Variants in SINHCAF observed in about 807,000 individuals in gnomAD.
SINHCAF encodes the protein SIN3-HDAC complex-associated factor.
In SINHCAF, 3 loss-of-function variants were observed where a neutral mutation model predicts 25.8. The observed-to-expected ratio is 0.12, with a 90% CI of 0.05 to 0.30. The LOEUF is 0.30. SINHCAF is among the 10% of genes least tolerant of loss of function. The pLI is 1.00. For missense variants in SINHCAF, 121 were observed against 262.3 expected (o/e 0.46, Z 3.72); for synonymous variants, 70 against 85.5 (o/e 0.82, Z 1.00).
At chr12:31,317,362 T>G (rs900876116) in intron 1 of SINHCAF, among the ~76,000 whole-genome samples, 1 of 151,530 alleles carries the variant, frequency 6.6e-6, no homozygotes, top group African/African-American at 2.4e-5. Flanking sequence ...AAACACAAGA[T>G]AGTTGAAGTG....
intron 1 of SINHCAF, among the ~76,000 whole-genome samples, chr12:31,315,623 G>A (rs1251677632): frequency 6.6e-6 from 1 of 152,166 alleles, no homozygotes; most frequent in Non-Finnish European, 1.5e-5. Context: ...AGTTTGTAAC[G>A]CTTATCTCTG....
chr12:31,282,410 G>A lies in SINHCAF; in HGVS notation c.*302C>T, dbSNP rs16915866. ...TAGCAGGTATCCAAGTTAAAAATAAGAGGGTCATTTAAGACCAGCCTGGCC... is the reference window on the plus strand; with the variant it reads ...TAGCAGGTATCCAAGTTAAAAATAAAAGGGTCATTTAAGACCAGCCTGGCC... On this transcript the variant is annotated 3_prime_UTR_variant, in exon 6 of 6. Transcript: ENST00000337682. 4.8e-3 allele frequency: 1,013 copies of A among 211,436 alleles called. 18 individuals are homozygous for A. The highest frequency in any genetic ancestry group is 0.022 in the African/African-American group (966 of 43,694). 13.1% of individuals were successfully genotyped at this position (211,436 alleles called of 1,614,324 possible). A position where few individuals can be genotyped will look rare whatever the true frequency, so the allele number is the denominator to read the frequency against.
intron 1 of SINHCAF, among the ~76,000 whole-genome samples, chr12:31,313,868 T>C (rs1450901035): frequency 1.3e-5 from 2 of 152,012 alleles, no homozygotes; most frequent in African/African-American, 4.8e-5. Flanking sequence ...CAGGCTAGGC[T>C]GGTCTCGAAC....
At chr12:31,321,703 C>A (rs1273532347) in intron 1 of SINHCAF, among the ~76,000 whole-genome samples, 1 of 152,140 alleles carries the variant, frequency 6.6e-6, no homozygotes, top group East Asian at 1.9e-4. Context: ...TGCCTCAATA[C>A]ATGTGTTCCT....
intron 1 of SINHCAF, among the ~76,000 whole-genome samples, chr12:31,315,231 A>C (rs77850978): frequency 0.012 from 1,752 of 152,342 alleles, 17 homozygotes; most frequent in East Asian, 0.037. Flanking sequence ...CCTAAAGTCA[A>C]GTAAATATGT....
In SINHCAF at chr12:31,325,148, A is replaced by AT; in HGVS notation, c.-21+875dup. 1 of 456,740 alleles carries AT rather than the reference A, an allele frequency of 2.2e-6. No homozygotes were observed. The highest frequency in any genetic ancestry group is 4.4e-6 in the Non-Finnish European group (1 of 226,972). 28.3% of individuals were successfully genotyped at this position (456,740 alleles called of 1,614,324 possible). ...TCCAGCCAAGTTGGCTTCCCTGGCC[A>AT]TCTTACAGCGCGGACGGCCGCCCAT... On this transcript the variant is annotated intron_variant, in intron 1 of 5. Transcript: ENST00000337682. This position sits in a 1 kb window ranked among gnomAD's most constrained non-coding sequence, Gnocchi z 5.9.
chr12:31,311,709 T>C (rs1939278475), intron 1 of SINHCAF: 1 of 501,736 alleles, frequency 2.0e-6, no homozygotes. Context: ...AGAAAAATGG[T>C]GAATTTTTCA....
chr12:31,289,647 G>A (rs544265944), intron 4 of SINHCAF, among the ~76,000 whole-genome samples: 4 of 152,208 alleles, frequency 2.6e-5, no homozygotes, highest in Admixed American at 6.5e-5. Context: ...ATAAACACAG[G>A]TGGGGCCTAC....
In SINHCAF at chr12:31,282,355, A is replaced by T. The variant is rs1185178522; in HGVS notation, c.*357T>A. On this transcript the variant is annotated 3_prime_UTR_variant, in exon 6 of 6. Coordinates refer to ENST00000337682, the MANE Select transcript of SINHCAF (RefSeq NM_001135812.2). ...GAGTGGGGGAAATCAACCCATTCAAAACTACTCTAGAAATTGTCTTTTGGC... is the reference window on the plus strand; with the variant it reads ...GAGTGGGGGAAATCAACCCATTCAATACTACTCTAGAAATTGTCTTTTGGC... 2.4e-5 allele frequency: 4 copies of T among 165,194 alleles called. No homozygotes were observed. The allele number at this position is 165,194 out of a possible 1,614,324, so 10.2% of individuals were successfully genotyped here.
chr12:31,290,138 GTTTT>G (rs1231956293), intron 4 of SINHCAF, among the ~76,000 whole-genome samples: 2 of 149,464 alleles, frequency 1.3e-5, no homozygotes, highest in Admixed American at 6.6e-5. Context: ...AAATGTTTTT[GTTTT>G]TGTTTGTTTG....
At chr12:31,295,786 C>T (rs983887595) in intron 2 of SINHCAF, among the ~76,000 whole-genome samples, 3 of 151,918 alleles carry the variant, frequency 2.0e-5, no homozygotes, top group African/African-American at 4.8e-5. Flanking sequence ...GCAGGAGAAT[C>T]GCTTGAGCCC....
chr12:31,317,483 A>G (rs1939537746), intron 1 of SINHCAF, among the ~76,000 whole-genome samples: 1 of 152,204 alleles, frequency 6.6e-6, no homozygotes, highest in African/African-American at 2.4e-5. Flanking sequence ...ATAATCTCAC[A>G]GGATGTTTTT....
chr12:31,314,554 G>T (rs189141292), intron 1 of SINHCAF, among the ~76,000 whole-genome samples: 1 of 151,898 alleles, frequency 6.6e-6, no homozygotes, highest in Non-Finnish European at 1.5e-5. Flanking sequence ...AAGATAGAGT[G>T]AAGGTGTAGG....
Position 31,285,967 on chromosome 12 carries a change from T to A in SINHCAF, c.506+1667A>T, listed in dbSNP as rs1431486972. Among the ~76,000 whole-genome samples the A allele has an allele frequency of 5.5e-5, 8 of 146,138 alleles. No homozygotes were observed. In the South Asian group the frequency reaches 1.7e-3, roughly 31 times the overall value. On this transcript the variant is annotated intron_variant, in intron 5 of 5. Transcript: ENST00000337682. The stretch of plus-strand genomic sequence containing the variant: ...TCCAGTCTGGGCTACAGAGTGAAAC[T>A]CTGTCTCAAAAAAAAAAAAAAAAAG...
chr12:31,289,579 A>G (rs1938218120), intron 4 of SINHCAF, among the ~76,000 whole-genome samples: 1 of 152,222 alleles, frequency 6.6e-6, no homozygotes, highest in Non-Finnish European at 1.5e-5. Flanking sequence ...GTTAACAGTC[A>G]TTGTGCTATA....
chr12:31,308,511 G>T (rs909995335), intron 1 of SINHCAF, among the ~76,000 whole-genome samples: 3 of 152,158 alleles, frequency 2.0e-5, no homozygotes, highest in Admixed American at 6.5e-5. Context: ...TTTGACTTGA[G>T]AAAGACAAAA....
chr12:31,285,686 C>T (rs1447105707), intron 5 of SINHCAF, among the ~76,000 whole-genome samples: 1 of 151,882 alleles, frequency 6.6e-6, no homozygotes, highest in African/African-American at 2.4e-5. Context: ...GTCATAAAGA[C>T]TAAATAAGGC....
chr12:31,288,311 A>G (rs1938160011), intron 4 of SINHCAF, among the ~76,000 whole-genome samples: 1 of 152,222 alleles, frequency 6.6e-6, no homozygotes, highest in African/African-American at 2.4e-5. Context: ...ATTTCTGAAC[A>G]CTAACCTTCC....
intron 1 of SINHCAF, among the ~76,000 whole-genome samples, chr12:31,311,134 C>T (rs995499406): frequency 1.3e-5 from 2 of 152,000 alleles, no homozygotes; most frequent in Non-Finnish European, 2.9e-5. Flanking sequence ...CCCAAAGTGT[C>T]CGGCCGTAAT....
Sources: gnomAD v4.1 joint callset for allele counts (sites outside exome capture counted in the v4.1 genomes callset) on GRCh38, gnomAD v4.1.1 for gene constraint, Gnocchi (gnomAD v3.1) non-coding constraint, MANE v1.5 for transcripts, NCBI Gene and HGNC (gene_info 2026-07-23, HGNC 2026-07-21) for gene names.